The following MAPK8IP2 variants were observed in gnomAD, a reference collection of about 807,000 sequenced individuals.
MAPK8IP2 encodes the protein mitogen-activated protein kinase 8 interacting protein 2.
Under a neutral mutation model 75.6 loss-of-function variants are expected in MAPK8IP2, and 15 were observed. The observed-to-expected ratio is 0.20, with a 90% CI of 0.13 to 0.31. The LOEUF is 0.31. Ranked by LOEUF, MAPK8IP2 falls within the 10% of genes least tolerant of loss-of-function variation. The probability of loss-of-function intolerance (pLI) is 1.00; values close to 1 mark genes in which losing one functional copy is unlikely to be tolerated. For missense variants in MAPK8IP2, 1,089 were observed against 1,211.2 expected (o/e 0.90, Z 1.50); for synonymous variants, 632 against 554.5 (o/e 1.14, Z -1.96).
chr22:50,601,592 C>G, intron 1 of MAPK8IP2, 197 bp from the exon 2 acceptor site: 1 of 564,518 alleles, frequency 1.8e-6, no homozygotes, highest in Non-Finnish European at 3.2e-6. Context: ...CCGGGCAGGC[C>G]TGGCTCAGAT....
intron 5 of MAPK8IP2, 44 bp from the exon 6 acceptor site, chr22:50,605,324 C>A: frequency 6.3e-7 from 1 of 1,575,632 alleles, no homozygotes; most frequent in Non-Finnish European, 8.7e-7. Context: ...TACTCTGACT[C>A]TGTCTCCCTG....
rs368870828 is a variant in MAPK8IP2, at chr22:50,605,625, C to G, written c.1905C>G (p.Ala635=). The change falls in exon 7 of 12, where the codon GCC becomes GCG. Residue 635 remains alanine, a synonymous_variant. Coordinates refer to ENST00000329492, the MANE Select transcript of MAPK8IP2 (RefSeq NM_012324.6). ...TGGATGACCCTGTGTTGGTGGAGGC[C>G]GAGGAGGACGACTTCTGGTTCCGTG... ...LDVDDPVLVE[A]EEDDFWFRGF... is the part of the protein sequence containing the mutation. 1 of 1,610,020 alleles carries G rather than the reference C, an allele frequency of 6.2e-7. No homozygotes were observed. The highest frequency in any genetic ancestry group is 1.3e-5 in the African/African-American group (1 of 74,876).
rs2071062296 is a variant in MAPK8IP2, at chr22:50,606,926, G to C, written c.2238G>C (p.Gln746His). The C allele has an allele frequency of 3.1e-6, 5 of 1,613,750 alleles. No homozygotes were observed. Among genetic ancestry groups the C allele is most frequent in the Admixed American group, 3.3e-5 (2 of 60,008 alleles). ...TCTGCCCACCTCTGCTCTAGTTCCA[G>C]CGCTGCAGCCATTTCTTCCAGATGA... Reference protein sequence around the residue: ...LSLSGGGPEFQRCSHFFQMKN... With the variant: ...LSLSGGGPEFHRCSHFFQMKN... The change falls in exon 10 of 12, where the codon CAG (glutamine) becomes CAC (histidine). Residue 746 changes from glutamine to histidine, a missense_variant. Physicochemically the swap from Gln to His is conservative, Grantham distance 24. Transcript: ENST00000329492.
Position 50,600,812 on chromosome 22 carries a change from G to A in MAPK8IP2, c.-7G>A, listed in dbSNP as rs1269625297. On this transcript the variant is annotated 5_prime_UTR_variant, in exon 1 of 12. Transcript: ENST00000329492. ...CCCGCCGCAGTCGCGGGCCTCTCCC[G>A]GAGAAGATGGCGGATCGCGCGGAGA... is the stretch of plus-strand genomic sequence containing the variant. The A allele has an allele frequency of 1.6e-6, 2 of 1,277,694 alleles. No homozygotes were observed. Among genetic ancestry groups the A allele is most frequent in the African/African-American group, 1.6e-5 (1 of 62,214 alleles). The allele number at this position is 1,277,694 out of a possible 1,614,324, so 79.1% of individuals were successfully genotyped here. A position where few individuals can be genotyped will look rare whatever the true frequency, so the allele number is the denominator to read the frequency against.
rs1225121313 is a variant in MAPK8IP2, at chr22:50,605,021, G to A, written c.1722G>A (p.Lys574=). The change falls in exon 5 of 12, where the codon AAG becomes AAA. Residue 574 remains lysine, a synonymous_variant. Transcript: ENST00000329492. ...SPDSPDLTFS[K]KFLNVFVNST... is the part of the protein sequence containing the mutation. ...ACAGCCCTGACCTCACTTTCTCCAA[G>A]AAGTTCCTCAATGTCTTCGTCAACA... 2.1e-5 allele frequency: 34 copies of A among 1,612,478 alleles called. No individual in the cohort carries two copies. Among genetic ancestry groups the A allele is most frequent in the African/African-American group, 4.0e-5 (3 of 74,938 alleles).
chr22:50,601,058 C>T (rs1158446652), intron 1 of MAPK8IP2, 175 bp downstream of exon 1: 2 of 163,476 alleles, frequency 1.2e-5, no homozygotes, highest in Admixed American at 6.4e-5. Context: ...CCACCCCGCT[C>T]CCACTCCCTC....
rs746700006 is a variant in MAPK8IP2, at chr22:50,605,551, C to T, written c.1842-11C>T. The T allele has an allele frequency of 1.3e-6, 2 of 1,503,224 alleles. No homozygotes were observed. The highest frequency in any genetic ancestry group is 1.2e-5 in the South Asian group (1 of 86,586). 93.1% of individuals were successfully genotyped at this position (1,503,224 alleles called of 1,614,324 possible). A position where few individuals can be genotyped will look rare whatever the true frequency, so the allele number is the denominator to read the frequency against. ...CGCCCCCCTCCCCAGTGACCTCTCC[C>T]CCAACGGCAGGTTCATCCCGCGGCA... On this transcript the variant is annotated splice_polypyrimidine_tract_variant and intron_variant, in intron 6 of 11. Transcript: ENST00000329492.
rs1603444297 is a variant in MAPK8IP2 at position 50,604,639 on chromosome 22, C to T, written c.1340C>T (p.Thr447Met). 2 of 1,518,782 alleles carry T rather than the reference C, an allele frequency of 1.3e-6. No individual in the cohort carries two copies. The highest frequency in any genetic ancestry group is 2.4e-5 in the South Asian group (2 of 82,216). 94.1% of individuals were successfully genotyped at this position (1,518,782 alleles called of 1,614,324 possible). A position where few individuals can be genotyped will look rare whatever the true frequency, so the allele number is the denominator to read the frequency against. The change falls in exon 5 of 12, where the codon ACG becomes ATG. Residue 447 changes from threonine (T) to methionine (M), a missense_variant. Thr to Met is a moderately conservative substitution (Grantham distance 81). Transcript: ENST00000329492. ...AGCAACCCCACGCGTGACACCATCA[C>T]GCCGCTGTGGGCCGCGCCCGGCCGC... ...FLSNPTRDTI[T>M]PLWAAPGRAA... is the part of the protein sequence containing the mutation.
rs1324575304 is a variant in MAPK8IP2 at position 50,601,531 on chromosome 22, C to T, written c.66-258C>T. The T allele has an allele frequency of 5.5e-5, 24 of 436,712 alleles. 1 individual carries two copies. In the Admixed American group the frequency reaches 8.3e-4, roughly 15 times the overall value. 27.1% of individuals were successfully genotyped at this position (436,712 alleles called of 1,614,324 possible). A position where few individuals can be genotyped will look rare whatever the true frequency, so the allele number is the denominator to read the frequency against. ...CTGCGAGTGGAGGGAGGAGAGGCTG[C>T]TGGCTCTCCAGGGAGGCGGGGTGGG... On this transcript the variant is annotated intron_variant, in intron 1 of 11. Coordinates refer to ENST00000329492, the MANE Select transcript of MAPK8IP2 (RefSeq NM_012324.6).
chr22:50,605,549 C>A lies in MAPK8IP2; in HGVS notation c.1842-13C>A. ...CCCGCCCCCCTCCCCAGTGACCTCTCCCCCAACGGCAGGTTCATCCCGCGG... is the reference window on the plus strand; with the variant it reads ...CCCGCCCCCCTCCCCAGTGACCTCTACCCCAACGGCAGGTTCATCCCGCGG... On this transcript the variant is annotated splice_polypyrimidine_tract_variant and intron_variant, in intron 6 of 11. Coordinates refer to ENST00000329492, the MANE Select transcript of MAPK8IP2 (RefSeq NM_012324.6). 7.0e-7 allele frequency: 1 copy of A among 1,435,926 alleles called. No homozygotes were observed. Among genetic ancestry groups the A allele is most frequent in the South Asian group, 1.2e-5 (1 of 85,474 alleles). 88.9% of individuals were successfully genotyped at this position (1,435,926 alleles called of 1,614,324 possible). A position where few individuals can be genotyped will look rare whatever the true frequency, so the allele number is the denominator to read the frequency against.
Position 50,604,223 on chromosome 22 carries a change from G to GCCCCCGCGCGAA in MAPK8IP2, c.934_945dup (p.Glu312_Arg315dup). 1.3e-6 allele frequency: 2 copies of GCCCCCGCGCGAA among 1,555,192 alleles called. No individual in the cohort carries two copies. The highest frequency in any genetic ancestry group is 1.7e-6 in the Non-Finnish European group (2 of 1,158,608). On this transcript the variant is annotated inframe_insertion, in exon 5 of 12. Transcript: ENST00000329492. Reference sequence around the variant, plus strand: ...CCTCGTCGCCCGCCTCGGAGCCGGAGCCCCCGCGCGAACCCCCGCGCCGCC... The same window carrying GCCCCCGCGCGAA: ...CCTCGTCGCCCGCCTCGGAGCCGGAGCCCCCGCGCGAACCCCCGCGCGAACCCCCGCGCCGCC...
rs559197151 is a variant in MAPK8IP2 at position 50,612,386 on chromosome 22, G to A, written c.*1607G>A. 6.6e-6 allele frequency: 1 copy of A among 152,216 alleles called. No homozygotes were observed. Among genetic ancestry groups the A allele is most frequent in the South Asian group, 2.1e-4 (1 of 4,828 alleles). 9.4% of individuals were successfully genotyped at this position (152,216 alleles called of 1,614,324 possible). A position where few individuals can be genotyped will look rare whatever the true frequency, so the allele number is the denominator to read the frequency against. On this transcript the variant is annotated 3_prime_UTR_variant, in exon 12 of 12. Transcript: ENST00000329492. Reference sequence around the variant, plus strand: ...GTCCCTCTGTCTGAGCCCAGGATTCGTGCAACACCAGGAAGACAACAGTTG... The same window carrying A: ...GTCCCTCTGTCTGAGCCCAGGATTCATGCAACACCAGGAAGACAACAGTTG...
rs1261406550 is a variant in MAPK8IP2, at chr22:50,605,361, C to T, written c.1766-7C>T. 6.2e-7 allele frequency: 1 copy of T among 1,612,376 alleles called. No individual in the cohort carries two copies. Among genetic ancestry groups the T allele is most frequent in the South Asian group, 1.1e-5 (1 of 91,066 alleles). On this transcript the variant is annotated splice_polypyrimidine_tract_variant and splice_region_variant and intron_variant, in intron 5 of 11. Coordinates refer to ENST00000329492, the MANE Select transcript of MAPK8IP2 (RefSeq NM_012324.6). ...CTCCCCCGCCTCTGTCCTGCCGGGT[C>T]TCCCAGGCACCGAGTCCTTTGGCCT...
rs2070996369 is a variant in MAPK8IP2 at position 50,604,163 on chromosome 22, C to T, written c.864C>T (p.Gly288=). The part of the protein sequence containing the change: ...LSSDGGSSSS[G]RSSHLTNSIE... ...GCGATGGCGGAAGCAGCAGCAGCGG[C>T]CGCTCCTCGCACCTCACCAACTCCA... Residue 288 remains glycine, a synonymous_variant, in exon 5 of 12, where the codon GGC becomes GGT. Coordinates refer to ENST00000329492, the MANE Select transcript of MAPK8IP2 (RefSeq NM_012324.6). 3.2e-6 allele frequency: 5 copies of T among 1,550,028 alleles called. No individual in the cohort carries two copies. Among genetic ancestry groups the T allele is most frequent in the Non-Finnish European group, 3.5e-6 (4 of 1,156,526 alleles).
In MAPK8IP2 at chr22:50,603,088, T is replaced by C. The variant is rs1475501079; in HGVS notation, c.172-135T>C. 1.9e-6 allele frequency: 3 copies of C among 1,556,142 alleles called. No individual in the cohort carries two copies. The African/African-American group carries it at 4.1e-5, about 21-fold the overall frequency. ...GGCAGATTTTGAAAACATCGCCCTGTAGACAGAGGGGCAGAGTGAGCTGGA... is the reference window on the plus strand; with the variant it reads ...GGCAGATTTTGAAAACATCGCCCTGCAGACAGAGGGGCAGAGTGAGCTGGA... On this transcript the variant is annotated intron_variant, in intron 2 of 11. Coordinates refer to ENST00000329492, the MANE Select transcript of MAPK8IP2 (RefSeq NM_012324.6).
chr22:50,603,109 C>T (rs1424065503), intron 2 of MAPK8IP2, 114 bp from the exon 3 acceptor site: 2 of 1,582,312 alleles, frequency 1.3e-6, no homozygotes, highest in East Asian at 2.3e-5. Context: ...GCAGAGTGAG[C>T]TGGAAGGGGC....
At chr22:50,608,122 G>A (rs2071080169) in intron 10 of MAPK8IP2, among the ~76,000 whole-genome samples, 1 of 152,224 alleles carries the variant, frequency 6.6e-6, no homozygotes, top group Non-Finnish European at 1.5e-5. Flanking sequence ...GCATCTTGGG[G>A]GCCTTGTGGA....
In MAPK8IP2 at chr22:50,613,277, C is replaced by G. The variant is rs2071179412; in HGVS notation, c.*2498C>G. On this transcript the variant is annotated 3_prime_UTR_variant, in exon 12 of 12. Transcript: ENST00000329492. ...CTGTGGCTGGCCAGAGGGTGCCACT[C>G]ACAGTCACTTCAGACTCACAGGAGC... 1 of 152,336 alleles carries G rather than the reference C, an allele frequency of 6.6e-6. No homozygotes were observed. The highest frequency in any genetic ancestry group is 6.5e-5 in the Admixed American group (1 of 15,280). 9.4% of individuals were successfully genotyped at this position (152,336 alleles called of 1,614,324 possible). A position where few individuals can be genotyped will look rare whatever the true frequency, so the allele number is the denominator to read the frequency against.
rs1427598547 is a variant in MAPK8IP2, at chr22:50,610,704, C to T, written c.2403-3C>T. On this transcript the variant is annotated splice_polypyrimidine_tract_variant and splice_region_variant and intron_variant, in intron 11 of 11. Transcript: ENST00000329492. The surrounding 1 kb of genome is among the most constrained non-coding windows in gnomAD (Gnocchi z 4.3). The stretch of plus-strand genomic sequence containing the variant: ...TGGCTGGTGGAGGACCGTCTTTCCC[C>T]AGCCGCGCCTTCCTGGAGTACTACC... The T allele has an allele frequency of 6.2e-7, 1 of 1,601,470 alleles. No homozygotes were observed. The highest frequency in any genetic ancestry group is 1.3e-5 in the African/African-American group (1 of 74,680).
Sources: allele counts gnomAD v4.1 joint callset (sites outside exome capture counted in the v4.1 genomes callset), GRCh38; gene constraint gnomAD v4.1.1; non-coding constraint Gnocchi (gnomAD v3.1); transcripts MANE v1.5; gene names NCBI Gene and HGNC (gene_info 2026-07-23, HGNC 2026-07-21).